Variants in MARCHF1 observed in about 807,000 individuals in gnomAD.
MARCHF1 encodes E3 ubiquitin-protein ligase MARCHF1.
In MARCHF1, 40 loss-of-function variants were observed where a neutral mutation model predicts 54.2. The observed-to-expected ratio is 0.74, with a 90% CI of 0.57 to 0.96. MARCHF1 has a LOEUF of 0.96. Ranked by LOEUF, MARCHF1 falls within the 40% of genes least tolerant of loss-of-function variation. The probability of loss-of-function intolerance (pLI) is 0.00; values close to 1 mark genes in which losing one functional copy is unlikely to be tolerated. For missense variants in MARCHF1, 586 were observed against 656.5 expected (o/e 0.89, Z 1.17); for synonymous variants, 236 against 236.3 (o/e 1.00, Z 0.01).
At chr4:163,531,681 A>C (rs1738357988) in intron 9 of MARCHF1, among the ~76,000 whole-genome samples, 1 of 151,944 alleles carries the variant, frequency 6.6e-6, no homozygotes, top group Non-Finnish European at 1.5e-5. Context: ...TATGTATAAA[A>C]TCTCAAAGAA....
At chr4:163,633,377 A>T (rs1210014226) in intron 5 of MARCHF1, among the ~76,000 whole-genome samples, 4 of 152,136 alleles carry the variant, frequency 2.6e-5, no homozygotes, top group South Asian at 2.1e-4. Flanking sequence ...ATAACTAGAA[A>T]AACCAATACA....
rs920061537 is a variant in MARCHF1, at chr4:163,526,815, T to C, written c.*1933A>G. On this transcript the variant is annotated 3_prime_UTR_variant, in exon 10 of 10. Coordinates refer to ENST00000514618, the MANE Select transcript of MARCHF1 (RefSeq NM_001394959.1). ...AATACCTTAACATTTTCCCCGCATA[T>C]ATACATGACTACACACACGCCATAC... 2.0e-4 allele frequency: 31 copies of C among 151,982 alleles called. No homozygotes were observed. The highest frequency in any genetic ancestry group is 3.4e-3 in the Middle Eastern group (1 of 294). 9.4% of individuals were successfully genotyped at this position (151,982 alleles called of 1,614,324 possible). A position where few individuals can be genotyped will look rare whatever the true frequency, so the allele number is the denominator to read the frequency against.
At chr4:163,639,176 T>C (rs1742464267) in intron 5 of MARCHF1, among the ~76,000 whole-genome samples, 1 of 152,186 alleles carries the variant, frequency 6.6e-6, no homozygotes, top group Non-Finnish European at 1.5e-5. Context: ...TTTTACTTTA[T>C]GTGTATTTAA....
Position 163,916,961 on chromosome 4 carries a change from A to G in MARCHF1, c.-38-62792T>C, listed in dbSNP as rs140467180. 5.1e-3 allele frequency among the ~76,000 whole-genome samples: 780 copies of G among 152,238 alleles called. 4 individuals carry two copies. The highest frequency in any genetic ancestry group is 6.5e-3 in the Non-Finnish European group (443 of 68,020). On this transcript the variant is annotated intron_variant, in intron 3 of 9. Transcript: ENST00000514618. Reference sequence around the variant, plus strand: ...TGTATCTACCATTATAGGATCACACAGAGTAGTTTCATTGCCCTAAAAATC... The same window carrying G: ...TGTATCTACCATTATAGGATCACACGGAGTAGTTTCATTGCCCTAAAAATC...
intron 4 of MARCHF1, among the ~76,000 whole-genome samples, chr4:163,713,264 C>T (rs1395424603): frequency 1.3e-5 from 2 of 152,094 alleles, no homozygotes; most frequent in East Asian, 3.8e-4. Flanking sequence ...CATACCAGCT[C>T]TCTTGGATCC....
intron 5 of MARCHF1, among the ~76,000 whole-genome samples, chr4:163,615,488 A>C (rs1741480795): frequency 6.6e-6 from 1 of 152,016 alleles, no homozygotes; most frequent in African/African-American, 2.4e-5. Flanking sequence ...AATGATGACC[A>C]AAAAAACCCC....
At chr4:163,749,963 G>C (rs542983348) in intron 4 of MARCHF1, among the ~76,000 whole-genome samples, 22 of 152,186 alleles carry the variant, frequency 1.4e-4, no homozygotes, top group African/African-American at 5.1e-4. Context: ...CAGCTAATCA[G>C]GAGGCTGAGG....
At chr4:164,241,666 G>C (rs567719766) in intron 1 of MARCHF1, among the ~76,000 whole-genome samples, 1 of 152,314 alleles carries the variant, frequency 6.6e-6, no homozygotes, top group Non-Finnish European at 1.5e-5. Context: ...ACAGCTCCCA[G>C]CGTGAGCTAC....
chr4:164,146,489 A>G (rs1169419666), intron 1 of MARCHF1, among the ~76,000 whole-genome samples: 3 of 152,202 alleles, frequency 2.0e-5, no homozygotes, highest in African/African-American at 4.8e-5. Context: ...AGATCAATGG[A>G]TCAGAACAGA....
intron 8 of MARCHF1, among the ~76,000 whole-genome samples, chr4:163,552,653 C>T (rs1039287652): frequency 3.9e-5 from 6 of 152,174 alleles, no homozygotes; most frequent in Non-Finnish European, 7.3e-5. Context: ...TATAGACACA[C>T]TCAGGCCTCG....
At chr4:164,061,792 A>G (rs1754622284) in intron 2 of MARCHF1, among the ~76,000 whole-genome samples, 1 of 152,040 alleles carries the variant, frequency 6.6e-6, no homozygotes, top group South Asian at 2.1e-4. Context: ...AAAAATAATA[A>G]TGATTATCTA....
At position 164,003,679 on chromosome 4, in the gene MARCHF1, C is replaced by CT. The variant is rs60498490; in HGVS notation, c.-247-14971dup. ...GTGGAGAAATAGGAACACTTTTACA[C>CT]TGCTAGTAGGAATGTAAATTAGTTC... On this transcript the variant is annotated intron_variant, in intron 2 of 9. Transcript: ENST00000514618. 9.0e-4 allele frequency among the ~76,000 whole-genome samples: 137 copies of CT among 152,188 alleles called. 2 individuals carry two copies. In the East Asian group the frequency reaches 0.026, roughly 29 times the overall value.
intron 3 of MARCHF1, among the ~76,000 whole-genome samples, chr4:163,970,741 C>A (rs1752530983): frequency 6.6e-6 from 1 of 152,136 alleles, no homozygotes; most frequent in Admixed American, 6.5e-5. Context: ...TCATCAGACT[C>A]TTAACATTCA....
At chr4:163,653,953 A>T (rs1373424394) in intron 5 of MARCHF1, among the ~76,000 whole-genome samples, 2 of 151,816 alleles carry the variant, frequency 1.3e-5, no homozygotes, top group Admixed American at 1.3e-4. Flanking sequence ...GAGTATAGAT[A>T]GGAAAGAGAG....
chr4:163,576,665 T>G (rs1237294848), intron 8 of MARCHF1, among the ~76,000 whole-genome samples: 1 of 152,070 alleles, frequency 6.6e-6, no homozygotes, highest in African/African-American at 2.4e-5. Context: ...GCACACACTA[T>G]TATTGTGTGG....
At chr4:164,205,150 G>T (rs1016187808) in intron 1 of MARCHF1, among the ~76,000 whole-genome samples, 3 of 151,968 alleles carry the variant, frequency 2.0e-5, no homozygotes, top group African/African-American at 7.3e-5. Context: ...CCATAGAAAA[G>T]ACTGATACCT....
At chr4:163,919,076 T>C (rs1474164376) in intron 3 of MARCHF1, among the ~76,000 whole-genome samples, 5 of 152,300 alleles carry the variant, frequency 3.3e-5, no homozygotes, top group Admixed American at 6.5e-5. Context: ...TGAAACTATA[T>C]TGACATACAA....
rs768709767 is a variant in MARCHF1 at position 163,545,758 on chromosome 4, G to A, written c.1192-15C>T. On this transcript the variant is annotated splice_polypyrimidine_tract_variant and intron_variant, in intron 8 of 9. Coordinates refer to ENST00000514618, the MANE Select transcript of MARCHF1 (RefSeq NM_001394959.1). Reference sequence around the variant, plus strand: ...AGTTTCTCCCACTGCAATCAGAAATGAAGGACACAAAACTGAATTGCAAAC... The same window carrying A: ...AGTTTCTCCCACTGCAATCAGAAATAAAGGACACAAAACTGAATTGCAAAC... 2 of 1,612,252 alleles carry A rather than the reference G, an allele frequency of 1.2e-6. No homozygotes were observed. Among genetic ancestry groups the A allele is most frequent in the Non-Finnish European group, 1.7e-6 (2 of 1,179,294 alleles).
intron 3 of MARCHF1, among the ~76,000 whole-genome samples, chr4:163,882,757 C>G (rs1750444742): frequency 6.6e-6 from 1 of 151,992 alleles, no homozygotes. Context: ...TTGCTTGAAC[C>G]TAGGAGTTCG....
Sources: gnomAD v4.1 joint callset for allele counts (sites outside exome capture counted in the v4.1 genomes callset) on GRCh38, gnomAD v4.1.1 for gene constraint, MANE v1.5 for transcripts, NCBI Gene and HGNC (gene_info 2026-07-23, HGNC 2026-07-21) for gene names.